PLOD2: variants seen among roughly 807,000 people sequenced by gnomAD.
PLOD2 encodes the protein procollagen-lysine,2-oxoglutarate 5-dioxygenase 2, also known as lysine hydroxylase 2.
PLOD2 carries 65 observed loss-of-function variants against 101.0 expected under a neutral mutation model. The observed-to-expected ratio is 0.64, with a 90% CI of 0.53 to 0.79. The LOEUF is 0.79. PLOD2 is among the 30% of genes least tolerant of loss of function. The pLI is 0.00. For missense variants in PLOD2, 909 were observed against 914.6 expected (o/e 0.99, Z 0.08); for synonymous variants, 314 against 302.9 (o/e 1.04, Z -0.38).
intron 11 of PLOD2, among the ~76,000 whole-genome samples, chr3:146,082,734 T>A (rs1021344586): frequency 6.6e-6 from 1 of 151,630 alleles, no homozygotes; most frequent in Admixed American, 6.6e-5. Flanking sequence ...CTACTAATAA[T>A]ACCAAAAAAA....
At chr3:146,107,345 C>G (rs144625608) in intron 4 of PLOD2, among the ~76,000 whole-genome samples, 99 of 152,236 alleles carry the variant, frequency 6.5e-4, no homozygotes, top group African/African-American at 2.3e-3. Flanking sequence ...ATTAAAGACA[C>G]GAACGGAATC....
chr3:146,096,061 T>A (rs1353803512), intron 7 of PLOD2, among the ~76,000 whole-genome samples: 2 of 147,434 alleles, frequency 1.4e-5, no homozygotes, highest in Admixed American at 6.7e-5. Flanking sequence ...TGGTTTTCGT[T>A]TTTTTTTGGT....
intron 1 of PLOD2, among the ~76,000 whole-genome samples, chr3:146,141,775 T>C (rs962355071): frequency 6.6e-6 from 1 of 152,048 alleles, no homozygotes; most frequent in Admixed American, 6.6e-5. Context: ...AATACAGTTG[T>C]GAGGGGAGAC....
chr3:146,077,845 A>G lies in PLOD2; in HGVS notation c.1563+17T>C, dbSNP rs1452403687. On this transcript the variant is annotated intron_variant, in intron 14 of 19. Coordinates refer to ENST00000282903, the MANE Select transcript of PLOD2 (RefSeq NM_182943.3). ...TATTAAATAAACAAAAATAAATAAA[A>G]TAAGTAAAAATAACACCTTTGGGGG... 6 of 1,468,430 alleles carry G rather than the reference A, an allele frequency of 4.1e-6. No homozygotes were observed. Among genetic ancestry groups the G allele is most frequent in the Middle Eastern group, 2.0e-4 (1 of 5,028 alleles). 91.0% of individuals were successfully genotyped at this position (1,468,430 alleles called of 1,614,324 possible).
Position 146,086,812 on chromosome 3 carries a change from G to C in PLOD2, c.1102C>G (p.Gln368Glu), listed in dbSNP as rs934228341. The change falls in exon 10 of 20, where the codon CAA becomes GAA. Residue 368 changes from glutamine to glutamate, a missense_variant. Transcript: ENST00000282903. Reference sequence around the variant, plus strand: ...ATTCCCATGTTTCTGGCTTCCGCTTGACTTAGATTTTCTTCTGGTCCTACT... The same window carrying C: ...ATTCCCATGTTTCTGGCTTCCGCTTCACTTAGATTTTCTTCTGGTCCTACT... ...KIVGPEENLSQAEARNMGMDF... is the reference protein window; with the variant it reads ...KIVGPEENLSEAEARNMGMDF... The C allele has an allele frequency of 2.0e-6, 3 of 1,502,662 alleles. No homozygotes were observed. The African/African-American group carries it at 4.1e-5, about 21-fold the overall frequency. The allele number at this position is 1,502,662 out of a possible 1,614,324, so 93.1% of individuals were successfully genotyped here. A position where few individuals can be genotyped will look rare whatever the true frequency, so the allele number is the denominator to read the frequency against.
chr3:146,157,991 C>T (rs565319985), intron 1 of PLOD2, among the ~76,000 whole-genome samples: 2 of 152,284 alleles, frequency 1.3e-5, no homozygotes, highest in East Asian at 3.9e-4. Flanking sequence ...AAATACTGGT[C>T]TTGACAGAAA....
chr3:146,141,419 A>G (rs1039285069), intron 1 of PLOD2, among the ~76,000 whole-genome samples: 2 of 152,096 alleles, frequency 1.3e-5, no homozygotes, highest in Admixed American at 1.3e-4. Flanking sequence ...TGGAAATTTC[A>G]GATTGAGATG....
chr3:146,078,351 A>G (rs952585215), intron 13 of PLOD2, among the ~76,000 whole-genome samples: 11 of 151,896 alleles, frequency 7.2e-5, no homozygotes, highest in East Asian at 1.9e-4. Context: ...CAAACAATAC[A>G]TGCTTTGTTA....
intron 8 of PLOD2, among the ~76,000 whole-genome samples, chr3:146,091,502 C>T (rs887992182): frequency 6.6e-5 from 10 of 151,776 alleles, no homozygotes; most frequent in African/African-American, 2.2e-4. Context: ...GATTTTTTCT[C>T]AATGCTTTGA....
At chr3:146,156,938 A>C (rs937744978) in intron 1 of PLOD2, among the ~76,000 whole-genome samples, 4 of 152,246 alleles carry the variant, frequency 2.6e-5, no homozygotes, top group African/African-American at 9.6e-5. Flanking sequence ...TATGGCACCC[A>C]ACTACCTGAA....
In PLOD2 at chr3:146,070,517, G is replaced by A. The variant is rs1172051612; in HGVS notation, c.*200C>T. 2 of 409,728 alleles carry A rather than the reference G, an allele frequency of 4.9e-6. No homozygotes were observed. Among genetic ancestry groups the A allele is most frequent in the Non-Finnish European group, 8.8e-6 (2 of 226,278 alleles). 25.4% of individuals were successfully genotyped at this position (409,728 alleles called of 1,614,324 possible). ...TTTTCTTTCTTTTCTTCTTCAATCT[G>A]TGTTTTAAGGCTCAGAGCAGACATT... is the stretch of plus-strand genomic sequence containing the variant. On this transcript the variant is annotated 3_prime_UTR_variant, in exon 20 of 20. Coordinates refer to ENST00000282903, the MANE Select transcript of PLOD2 (RefSeq NM_182943.3).
intron 7 of PLOD2, among the ~76,000 whole-genome samples, chr3:146,097,450 AC>A (rs1430760773): frequency 8.6e-6 from 1 of 116,554 alleles, no homozygotes. Context: ...TTTGTTCTGT[AC>A]TAAGAAAAAT....
intron 1 of PLOD2, among the ~76,000 whole-genome samples, chr3:146,131,667 A>T (rs1282452451): frequency 6.6e-6 from 1 of 152,228 alleles, no homozygotes; most frequent in Non-Finnish European, 1.5e-5. Context: ...AGACTTATCC[A>T]GGATCCTGCA....
At chr3:146,120,763 T>C (rs924817271) in intron 3 of PLOD2, among the ~76,000 whole-genome samples, 1 of 152,128 alleles carries the variant, frequency 6.6e-6, no homozygotes, top group Non-Finnish European at 1.5e-5. Context: ...TCTTGCTCTG[T>C]TGCCAGGATG....
intron 8 of PLOD2, 81 bp downstream of exon 8, chr3:146,091,719 G>T: frequency 2.5e-6 from 2 of 785,420 alleles, no homozygotes; most frequent in South Asian, 1.4e-5. Context: ...AAAATAATTT[G>T]CCTTTTTTCC....
intron 1 of PLOD2, among the ~76,000 whole-genome samples, chr3:146,146,798 G>C (rs1235759560): frequency 6.6e-6 from 1 of 152,166 alleles, no homozygotes; most frequent in Non-Finnish European, 1.5e-5. Flanking sequence ...TGAAAGTTTT[G>C]CTAAAGCCCA....
chr3:146,072,938 GAA>G (rs965810120), intron 16 of PLOD2, among the ~76,000 whole-genome samples: 1 of 151,494 alleles, frequency 6.6e-6, no homozygotes, highest in African/African-American at 2.4e-5. Context: ...ATGTCTCTGA[GAA>G]AAGACTCTTC....
At chr3:146,074,134 A>G in intron 15 of PLOD2, among the ~76,000 whole-genome samples, 1 of 151,616 alleles carries the variant, frequency 6.6e-6, no homozygotes, top group South Asian at 2.1e-4. Context: ...AGATATCTCA[A>G]CTTTTTTCAA....
chr3:146,155,711 T>C (rs1471562625), intron 1 of PLOD2, among the ~76,000 whole-genome samples: 3 of 136,422 alleles, frequency 2.2e-5, no homozygotes, highest in Non-Finnish European at 4.7e-5. Flanking sequence ...CGAGACTCTG[T>C]CTCAAAAAAA....
Sources: gnomAD v4.1 joint callset for allele counts (sites outside exome capture counted in the v4.1 genomes callset) on GRCh38, gnomAD v4.1.1 for gene constraint, MANE v1.5 for transcripts, NCBI Gene and HGNC (gene_info 2026-07-23, HGNC 2026-07-21) for gene names.